NTRK3: variants seen among roughly 807,000 people sequenced by gnomAD.
NTRK3 encodes the protein NT-3 growth factor receptor.
Under a neutral mutation model 91.7 loss-of-function variants are expected in NTRK3, and 24 were observed. That is an observed-to-expected ratio of 0.26 (90% confidence interval 0.19 to 0.37). The LOEUF (loss-of-function observed/expected upper bound fraction) is 0.37, where lower values mean the gene tolerates loss of function less well. NTRK3 is among the 10% of genes least tolerant of loss of function. The pLI, the probability that NTRK3 is intolerant of heterozygous loss-of-function variation, is 1.00. For synonymous variants in NTRK3, 483 were observed against 404.0 expected (o/e 1.20, Z -2.34); for missense variants, 880 against 1,068.9 (o/e 0.82, Z 2.46).
chr15:88,223,017 G>T (rs983388743), intron 3 of NTRK3, among the ~76,000 whole-genome samples: 1 of 152,168 alleles, frequency 6.6e-6, no homozygotes, highest in Admixed American at 6.5e-5. Context: ...GGAGGGAGAG[G>T]AAGGAGATGG....
intron 3 of NTRK3, among the ~76,000 whole-genome samples, chr15:88,229,097 G>T (rs2050944262): frequency 6.6e-6 from 1 of 152,164 alleles, no homozygotes. Context: ...ATAGCTGAGT[G>T]CTGGACCAAC....
At chr15:87,860,949 A>G (rs1377938248) in exon 19 of NTRK3, 2 of 223,722 alleles carry the variant, frequency 8.9e-6, no homozygotes, top group Non-Finnish European at 1.8e-5. Context: ...ATGACTTGGC[A>G]ATACTGTATT....
At chr15:88,115,693 A>T (rs2051975557) in intron 13 of NTRK3, among the ~76,000 whole-genome samples, 1 of 151,974 alleles carries the variant, frequency 6.6e-6, no homozygotes, top group South Asian at 2.1e-4. Flanking sequence ...CCAACTATGC[A>T]ACTCTTATTC....
rs575271290 is a variant in NTRK3, at chr15:87,881,695, A to C, written c.2134-1267T>G. On this transcript the variant is annotated intron_variant, in intron 17 of 18. Coordinates refer to ENST00000394480, the Ensembl canonical transcript of NTRK3. ...CGGCCTCCCAAAGTGCTGGGATTAC[A>C]GGCTTGAGCCACCGCGCCCGGCCTA... Among the ~76,000 whole-genome samples, 41 of 152,266 alleles carry C rather than the reference A, an allele frequency of 2.7e-4. 2 individuals are homozygous for C. The South Asian group carries it at 8.5e-3, about 32-fold the overall frequency.
intron 13 of NTRK3, among the ~76,000 whole-genome samples, chr15:88,069,793 G>A (rs148721591): frequency 3.9e-5 from 6 of 152,254 alleles, no homozygotes; most frequent in African/African-American, 7.2e-5. Context: ...CATGGTACAC[G>A]TCCAAATACA....
At chr15:87,942,189 C>A (rs999203852) in intron 14 of NTRK3, among the ~76,000 whole-genome samples, 3 of 152,190 alleles carry the variant, frequency 2.0e-5, no homozygotes, top group Non-Finnish European at 2.9e-5. Flanking sequence ...TAAGGATTTG[C>A]GAGAGGAAGC....
exon 6 of NTRK3, chr15:88,147,386 C>T (rs201527669): frequency 4.8e-5 from 78 of 1,613,758 alleles, no homozygotes; most frequent in South Asian, 9.9e-5. Flanking sequence ...TGTGGTGAGC[C>T]GGTTACTTGA....
intron 14 of NTRK3, among the ~76,000 whole-genome samples, chr15:87,975,545 A>G (rs2073648857): frequency 6.6e-6 from 1 of 152,212 alleles, no homozygotes; most frequent in Non-Finnish European, 1.5e-5. Flanking sequence ...GAGCCACCCT[A>G]AGCTGAGGCC....
At chr15:88,196,551 C>T (rs1488318602) in intron 3 of NTRK3, among the ~76,000 whole-genome samples, 1 of 152,194 alleles carries the variant, frequency 6.6e-6, no homozygotes, top group East Asian at 1.9e-4. Flanking sequence ...TGATATTCAC[C>T]CTTGTTATCT....
intron 14 of NTRK3, among the ~76,000 whole-genome samples, chr15:87,991,165 G>T (rs1160893234): frequency 2.6e-5 from 4 of 151,962 alleles, no homozygotes; most frequent in African/African-American, 9.7e-5. Context: ...CTACCTTTCT[G>T]CTCCCTTTCT....
At chr15:87,928,074 G>A (rs966239324) in intron 17 of NTRK3, 1 of 152,232 alleles carries the variant, frequency 6.6e-6, no homozygotes, top group African/African-American at 2.4e-5. Flanking sequence ...CCACCTCCCA[G>A]GTTCAAGAAA....
At position 88,222,525 on chromosome 15, in the gene NTRK3, A is replaced by G. The variant is rs79325690; in HGVS notation, c.248+33381T>C. On this transcript the variant is annotated intron_variant, in intron 3 of 18. Coordinates refer to ENST00000394480, the Ensembl canonical transcript of NTRK3. ...TTTAATCATCCATTTCAGTTTATGG[A>G]GCACATTTCTAGAACATTTCACACA... Among the ~76,000 whole-genome samples, 375 of 152,312 alleles carry G rather than the reference A, an allele frequency of 2.5e-3. 6 individuals are homozygous for G. The highest frequency in any genetic ancestry group is 0.021 in the East Asian group (107 of 5,182).
chr15:87,941,195 G>A lies in NTRK3; in HGVS notation c.1586-442C>T, dbSNP rs552150108. On this transcript the variant is annotated intron_variant, in intron 14 of 18. Transcript: ENST00000394480. ...AACTCCCAGGTCATGTCCCTCTGCTGTTGGTCATACTTTGAAAAGCAAATT... is the reference window on the plus strand; with the variant it reads ...AACTCCCAGGTCATGTCCCTCTGCTATTGGTCATACTTTGAAAAGCAAATT... 4.6e-5 allele frequency among the ~76,000 whole-genome samples: 7 copies of A among 152,246 alleles called. No homozygotes were observed. The South Asian group carries it at 1.5e-3, about 32-fold the overall frequency.
intron 13 of NTRK3, among the ~76,000 whole-genome samples, chr15:88,043,914 G>A (rs1183306795): frequency 2.6e-5 from 4 of 152,042 alleles, no homozygotes; most frequent in Non-Finnish European, 4.4e-5. Context: ...CTGCAATAGG[G>A]TATCCAGGGT....
At chr15:87,939,092 A>C (rs966022569) in intron 15 of NTRK3, among the ~76,000 whole-genome samples, 2 of 152,190 alleles carry the variant, frequency 1.3e-5, no homozygotes, top group African/African-American at 4.8e-5. Flanking sequence ...GAGAGTTATA[A>C]GGCCCTCAAA....
exon 10 of NTRK3, chr15:88,135,364 T>G (rs1052057234): frequency 6.2e-7 from 1 of 1,614,100 alleles, no homozygotes. Flanking sequence ...CAGGCGCAGC[T>G]CAGGCTCCTC....
At chr15:87,962,500 C>CT (rs1179964165) in intron 14 of NTRK3, among the ~76,000 whole-genome samples, 1 of 152,238 alleles carries the variant, frequency 6.6e-6, no homozygotes, top group African/African-American at 2.4e-5. Flanking sequence ...ATGGCTATCA[C>CT]TTGGCCTCAA....
intron 13 of NTRK3, among the ~76,000 whole-genome samples, chr15:88,048,995 G>C (rs1362008507): frequency 6.6e-6 from 1 of 152,202 alleles, no homozygotes; most frequent in Non-Finnish European, 1.5e-5. Flanking sequence ...CTGACGAAAT[G>C]AAATGCCAGC....
At chr15:87,943,186 C>A (rs1374849730) in intron 14 of NTRK3, among the ~76,000 whole-genome samples, 3 of 152,120 alleles carry the variant, frequency 2.0e-5, no homozygotes, top group Non-Finnish European at 4.4e-5. Flanking sequence ...GGTGCAGGAA[C>A]CACACTTTGA....
Sources: gnomAD v4.1 joint callset for allele counts (sites outside exome capture counted in the v4.1 genomes callset) on GRCh38, gnomAD v4.1.1 for gene constraint, MANE v1.5 for transcripts, NCBI Gene and HGNC (gene_info 2026-07-23, HGNC 2026-07-21) for gene names.